The following PDE10A variants were observed in gnomAD, a reference collection of about 807,000 sequenced individuals.
PDE10A encodes phosphodiesterase 10A, also known as cAMP and cAMP-inhibited cGMP 3',5'-cyclic phosphodiesterase 10A.
PDE10A carries 39 observed loss-of-function variants against 97.7 expected under a neutral mutation model. The ratio of observed to expected loss-of-function variants is 0.40; its 90% confidence interval spans 0.31 to 0.52. PDE10A has a LOEUF of 0.52. Ranked by LOEUF, PDE10A falls within the 20% of genes least tolerant of loss-of-function variation. The pLI is 0.56. For missense variants in PDE10A, 731 were observed against 1,047.8 expected, an observed-to-expected ratio of 0.70 and a Z score of 4.17; for synonymous variants, 371 against 376.8, an observed-to-expected ratio of 0.98 and a Z score of 0.18.
At chr6:165,367,721 A>T (rs954542817) in intron 18 of PDE10A, among the ~76,000 whole-genome samples, 2 of 152,084 alleles carry the variant, frequency 1.3e-5, no homozygotes, top group Admixed American at 6.5e-5. Flanking sequence ...TGATGAAAAA[A>T]TAATCTGCCC....
chr6:165,339,440 A>T, intron 19 of PDE10A, 82 bp from the exon 20 acceptor site: 1 of 869,182 alleles, frequency 1.2e-6, no homozygotes, highest in Non-Finnish European at 1.9e-6. Flanking sequence ...TATTCCCTTT[A>T]TTCCTTAATT....
At chr6:165,808,667 C>T (rs1185039716) in intron 1 of PDE10A, among the ~76,000 whole-genome samples, 1 of 152,186 alleles carries the variant, frequency 6.6e-6, no homozygotes, top group Non-Finnish European at 1.5e-5. Context: ...TGCTATTCTG[C>T]ACAACTCAAA....
intron 1 of PDE10A, among the ~76,000 whole-genome samples, chr6:165,594,597 A>G (rs569133511): frequency 4.6e-5 from 7 of 152,174 alleles, no homozygotes; most frequent in Non-Finnish European, 8.8e-5. Context: ...TCATTCAAAA[A>G]TCATCATTTT....
chr6:165,401,367 A>T (rs1335739269), intron 13 of PDE10A, among the ~76,000 whole-genome samples: 1 of 152,204 alleles, frequency 6.6e-6, no homozygotes, highest in Non-Finnish European at 1.5e-5. Context: ...TTCAGTGTTA[A>T]TGTCACTGGC....
chr6:165,876,967 C>A (rs1199340518), intron 1 of PDE10A, among the ~76,000 whole-genome samples: 1 of 152,174 alleles, frequency 6.6e-6, no homozygotes, highest in East Asian at 1.9e-4. Context: ...AGTCAGCCTG[C>A]TGTATATAAG....
intron 18 of PDE10A, among the ~76,000 whole-genome samples, chr6:165,347,852 T>A (rs1166813377): frequency 1.3e-5 from 2 of 152,006 alleles, no homozygotes; most frequent in African/African-American, 2.4e-5. Context: ...TATATATATA[T>A]AAAAAACAGG....
At chr6:165,421,935 G>A (rs1355465168) in intron 10 of PDE10A, among the ~76,000 whole-genome samples, 2 of 152,090 alleles carry the variant, frequency 1.3e-5, no homozygotes, top group African/African-American at 4.8e-5. Context: ...GGTGGCATGC[G>A]TCTGTTGTCC....
intron 1 of PDE10A, among the ~76,000 whole-genome samples, chr6:165,839,323 A>G (rs905797141): frequency 2.0e-5 from 3 of 152,366 alleles, no homozygotes; most frequent in Non-Finnish European, 4.4e-5. Context: ...AAGAACTATC[A>G]TATTTATCTC....
At chr6:165,389,553 T>C (rs1321707384) in intron 16 of PDE10A, among the ~76,000 whole-genome samples, 5 of 152,192 alleles carry the variant, frequency 3.3e-5, no homozygotes, top group Admixed American at 3.3e-4. Flanking sequence ...ATGGAAGGAC[T>C]GCAGGTGGAA....
chr6:165,457,423 T>C (rs904205211), intron 3 of PDE10A, among the ~76,000 whole-genome samples: 1 of 152,202 alleles, frequency 6.6e-6, no homozygotes, highest in Admixed American at 6.5e-5. Context: ...GCTGATTTCA[T>C]GTAGTACTTG....
chr6:165,332,356 C>T lies in PDE10A; in HGVS notation c.*669G>A, dbSNP rs1009167864. ...TCTCAAAAAGACAGGAAGTCTACTT[C>T]GTCTAGTGTTAAATTTATTGATCTC... On this transcript the variant is annotated 3_prime_UTR_variant, in exon 22 of 22. Transcript: ENST00000539869. 3.9e-5 allele frequency: 6 copies of T among 152,180 alleles called. No homozygotes were observed. The highest frequency in any genetic ancestry group is 1.9e-4 in the East Asian group (1 of 5,192). The allele number at this position is 152,180 out of a possible 1,614,324, so 9.4% of individuals were successfully genotyped here.
chr6:165,726,630 C>G (rs1410178701), intron 1 of PDE10A, among the ~76,000 whole-genome samples: 1 of 152,280 alleles, frequency 6.6e-6, no homozygotes, highest in East Asian at 1.9e-4. Context: ...GGCCTGGGCC[C>G]GCATCCTTGT....
chr6:165,933,206 G>A (rs910963912), intron 1 of PDE10A, among the ~76,000 whole-genome samples: 6 of 152,156 alleles, frequency 3.9e-5, no homozygotes, highest in Non-Finnish European at 7.3e-5. Context: ...GAGAAGACCC[G>A]AAACAGTCCC....
chr6:165,861,558 T>C (rs2934848), intron 1 of PDE10A, among the ~76,000 whole-genome samples: 117,326 of 151,528 alleles, frequency 0.77, 45,797 homozygotes, highest in East Asian at 0.96. Flanking sequence ...TTTTCCTGTG[T>C]GAAGGGGAGC....
At chr6:165,578,760 C>G (rs943801) in intron 1 of PDE10A, among the ~76,000 whole-genome samples, 1 of 152,044 alleles carries the variant, frequency 6.6e-6, no homozygotes, top group African/African-American at 2.4e-5. Context: ...GTGTCCCAAC[C>G]GCCCAAAAGT....
At chr6:165,936,357 C>A (rs1783328914) in intron 1 of PDE10A, among the ~76,000 whole-genome samples, 1 of 152,080 alleles carries the variant, frequency 6.6e-6, no homozygotes, top group African/African-American at 2.4e-5. Flanking sequence ...GTGGATATCA[C>A]CCTCGTTTAA....
intron 1 of PDE10A, among the ~76,000 whole-genome samples, chr6:165,823,566 T>C (rs1281476294): frequency 3.4e-5 from 3 of 87,920 alleles, no homozygotes; most frequent in Non-Finnish European, 9.0e-5. Flanking sequence ...ATATGTATAC[T>C]TTATATATAA....
At chr6:165,663,457 TGA>T (rs1790400202), upstream of PDE10A, among the ~76,000 whole-genome samples, 1 of 152,212 alleles carries the variant, frequency 6.6e-6, no homozygotes, top group Non-Finnish European at 1.5e-5. Flanking sequence ...TTCTAAATCC[TGA>T]GTCCTGCAGC....
In PDE10A at chr6:165,983,067, CG is replaced by C. The variant is rs1354634955; in HGVS notation, c.-615+4461del. Among the ~76,000 whole-genome samples the C allele has an allele frequency of 7.8e-3, 1,180 of 152,012 alleles. 13 individuals carry two copies. Among genetic ancestry groups the C allele is most frequent in the African/African-American group, 0.027 (1,116 of 41,474 alleles). The stretch of plus-strand genomic sequence containing the variant: ...GGAATGTATCCTAATCACAATTTTA[CG>C]ACACACACACACACACACACACGAG... On this transcript the variant is annotated intron_variant, in intron 1 of 19. Transcript: ENST00000366882.
Sources: allele counts gnomAD v4.1 joint callset (sites outside exome capture counted in the v4.1 genomes callset), GRCh38; gene constraint gnomAD v4.1.1; transcripts MANE v1.5; gene names NCBI Gene and HGNC (gene_info 2026-07-23, HGNC 2026-07-21).